EIPR1: variants seen among roughly 807,000 people sequenced by gnomAD.
EIPR1 encodes the protein EARP complex and GARP complex interacting protein 1.
A neutral mutation model predicts 48.1 loss-of-function variants in EIPR1; 25 were observed. The observed-to-expected ratio is 0.52, with a 90% CI of 0.38 to 0.73. EIPR1 has a LOEUF of 0.73. Ranked by LOEUF, EIPR1 falls within the 30% of genes least tolerant of loss-of-function variation. The pLI is 0.00. For synonymous variants in EIPR1, 204 were observed against 201.9 expected, an observed-to-expected ratio of 1.01 and a Z score of -0.09; for missense variants, 415 against 506.2, an observed-to-expected ratio of 0.82 and a Z score of 1.73.
intron 2 of EIPR1, among the ~76,000 whole-genome samples, chr2:3,341,111 AAAAAAAAAAC>A (rs1558309574): frequency 6.0e-5 from 9 of 149,132 alleles, no homozygotes; most frequent in Admixed American, 2.7e-4. Flanking sequence ...AAAAAAAAAA[AAAAAAAAAAC>A]AAAACAAAAC....
rs1558279888 is a variant in EIPR1, at chr2:3,294,986, CACACACACACA to C, written c.260-37542_260-37532del. ...CCCTCCATCCAGCCCATCCTCTCTA[CACACACACACA>C]CACACCCTCCATCCAGCCCATACTC... On this transcript the variant is annotated intron_variant, in intron 3 of 8. Coordinates refer to ENST00000382125, the MANE Select transcript of EIPR1 (RefSeq NM_003310.5). Among the ~76,000 whole-genome samples the C allele has an allele frequency of 8.4e-5, 6 of 71,026 alleles. 1 individual carries two copies. The highest frequency in any genetic ancestry group is 3.6e-4 in the African/African-American group (6 of 16,802). The allele number at this position is 71,026 out of a possible 152,430, so 46.6% of individuals were successfully genotyped here.
At chr2:3,314,477 G>C (rs914847310) in intron 3 of EIPR1, among the ~76,000 whole-genome samples, 1 of 152,116 alleles carries the variant, frequency 6.6e-6, no homozygotes, top group Non-Finnish European at 1.5e-5. Context: ...AATTTCACCA[G>C]TATGTTGAGG....
chr2:3,232,758 T>G (rs1666282066), intron 4 of EIPR1, among the ~76,000 whole-genome samples: 1 of 152,208 alleles, frequency 6.6e-6, no homozygotes, highest in African/African-American at 2.4e-5. Context: ...GAAAATTTAG[T>G]CAGCAGCCCC....
Position 3,329,936 on chromosome 2 carries a change from C to T in EIPR1, c.259+8081G>A, listed in dbSNP as rs145513099. Among the ~76,000 whole-genome samples the T allele has an allele frequency of 3.5e-3, 521 of 148,330 alleles. 6 individuals carry two copies. The highest frequency in any genetic ancestry group is 0.013 in the African/African-American group (501 of 39,884). ...CAGTATAATGATCTCAGGGTACTAG[C>T]CTGGACTCCCCTGGATCACAGGTCT... is the stretch of plus-strand genomic sequence containing the variant. On this transcript the variant is annotated intron_variant, in intron 3 of 8. Coordinates refer to ENST00000382125, the MANE Select transcript of EIPR1 (RefSeq NM_003310.5).
intron 3 of EIPR1, chr2:3,298,533 G>C (rs746316373): frequency 6.6e-6 from 1 of 151,986 alleles, no homozygotes; most frequent in East Asian, 1.9e-4. Flanking sequence ...AGGATCTTAC[G>C]ATCTCGATGG....
chr2:3,371,112 C>G (rs956470911), intron 1 of EIPR1, among the ~76,000 whole-genome samples: 15 of 152,260 alleles, frequency 9.9e-5, no homozygotes, highest in African/African-American at 3.6e-4. Flanking sequence ...TAATTTTCAA[C>G]CCAGAATTTC....
At chr2:3,341,330 T>C (rs1670241447) in intron 2 of EIPR1, among the ~76,000 whole-genome samples, 1 of 152,126 alleles carries the variant, frequency 6.6e-6, no homozygotes, top group Non-Finnish European at 1.5e-5. Context: ...TGGAGTTGGC[T>C]CAGACTCCAG....
At chr2:3,293,774 T>C (rs1225858524) in intron 3 of EIPR1, among the ~76,000 whole-genome samples, 1 of 152,206 alleles carries the variant, frequency 6.6e-6, no homozygotes, top group Non-Finnish European at 1.5e-5. Flanking sequence ...CTGTTATTAT[T>C]TTAAGGCAAT....
At chr2:3,291,551 T>A (rs929238083) in intron 3 of EIPR1, among the ~76,000 whole-genome samples, 1 of 152,206 alleles carries the variant, frequency 6.6e-6, no homozygotes, top group Admixed American at 6.5e-5. Context: ...GATAGTTTTA[T>A]CTAAACATAA....
chr2:3,358,752 A>C (rs1283399787), intron 1 of EIPR1, among the ~76,000 whole-genome samples: 4 of 152,212 alleles, frequency 2.6e-5, no homozygotes, highest in Admixed American at 6.5e-5. Context: ...GCCATTCCTG[A>C]AAGACAAAGC....
At chr2:3,329,815 G>A (rs1669831604) in intron 3 of EIPR1, among the ~76,000 whole-genome samples, 1 of 150,552 alleles carries the variant, frequency 6.6e-6, no homozygotes, top group African/African-American at 2.4e-5. Flanking sequence ...TGATCTCAGG[G>A]TGCCAGCCTG....
In EIPR1 at chr2:3,198,746, C is replaced by T. The variant is rs532092022; in HGVS notation, c.517-1729G>A. Among the ~76,000 whole-genome samples the T allele has an allele frequency of 1.1e-4, 17 of 152,052 alleles. 1 individual carries two copies. The highest frequency in any genetic ancestry group is 5.8e-4 in the East Asian group (3 of 5,170). On this transcript the variant is annotated intron_variant, in intron 5 of 8. Transcript: ENST00000382125. ...CAATTTTCAAAGGGGAGGGAGTGTA[C>T]GAATAGGGTGTGGGTCACAGAGATC...
intron 5 of EIPR1, chr2:3,208,575 A>C: frequency 6.4e-7 from 1 of 1,550,600 alleles, no homozygotes; most frequent in Non-Finnish European, 8.7e-7. Context: ...AAAAGTCCTT[A>C]TTACCCTCTC....
At chr2:3,240,200 A>G (rs1458192885) in intron 4 of EIPR1, among the ~76,000 whole-genome samples, 1 of 151,410 alleles carries the variant, frequency 6.6e-6, no homozygotes, top group East Asian at 1.9e-4. Flanking sequence ...AAGAAAAGCC[A>G]GCAGACTCTT....
intron 2 of EIPR1, among the ~76,000 whole-genome samples, chr2:3,342,156 G>C (rs1572466068): frequency 6.6e-6 from 1 of 152,114 alleles, no homozygotes; most frequent in African/African-American, 2.4e-5. Flanking sequence ...AACAAAAAAA[G>C]TGTATTATGA....
intron 4 of EIPR1, among the ~76,000 whole-genome samples, chr2:3,238,537 A>G (rs1449027296): frequency 6.6e-6 from 1 of 152,048 alleles, no homozygotes. Flanking sequence ...CACCATGCAC[A>G]CCCCACTGCC....
At position 3,312,257 on chromosome 2, in the gene EIPR1, G is replaced by T. The variant is rs780554977; in HGVS notation, c.259+25760C>A. On this transcript the variant is annotated intron_variant, in intron 3 of 8. Transcript: ENST00000382125. The surrounding 1 kb of genome is among the most constrained non-coding windows in gnomAD (Gnocchi z 5.5). ...CCTATGGCCACTGAGGCCGCATTCC[G>T]GGTGTGCTCTGACGTTTTACCCGCC... is the stretch of plus-strand genomic sequence containing the variant. Among the ~76,000 whole-genome samples the T allele has an allele frequency of 6.6e-6, 1 of 152,140 alleles. No individual in the cohort carries two copies. The highest frequency in any genetic ancestry group is 1.9e-4 in the East Asian group (1 of 5,188).
intron 4 of EIPR1, among the ~76,000 whole-genome samples, chr2:3,225,543 G>T (rs1666036823): frequency 6.6e-6 from 1 of 152,160 alleles, no homozygotes; most frequent in Admixed American, 6.5e-5. Context: ...ACCACGCCTG[G>T]CCGCAATGTG....
At chr2:3,288,188 C>T (rs1166994787) in intron 3 of EIPR1, among the ~76,000 whole-genome samples, 2 of 152,226 alleles carry the variant, frequency 1.3e-5, no homozygotes, top group Non-Finnish European at 2.9e-5. Context: ...GCTTGTCCTG[C>T]CACCCTTCAG....
Sources: allele counts gnomAD v4.1 joint callset (sites outside exome capture counted in the v4.1 genomes callset), GRCh38; gene constraint gnomAD v4.1.1; non-coding constraint Gnocchi (gnomAD v3.1); transcripts MANE v1.5; gene names NCBI Gene and HGNC (gene_info 2026-07-23, HGNC 2026-07-21).